The following SYCP1 variants were observed in gnomAD, a reference collection of about 807,000 sequenced individuals.
SYCP1 encodes synaptonemal complex protein 1.
A neutral mutation model predicts 153.1 loss-of-function variants in SYCP1; 64 were observed. The ratio of observed to expected loss-of-function variants is 0.42; its 90% CI spans 0.34 to 0.51. SYCP1 has a LOEUF of 0.51. Among genes scored for constraint, SYCP1 ranks in the 20% least tolerant of loss-of-function variants. The probability of loss-of-function intolerance (pLI) is 0.06; values close to 1 mark genes in which losing one functional copy is unlikely to be tolerated. For synonymous variants in SYCP1, 384 were observed against 341.8 expected (o/e 1.12, Z -1.36); for missense variants, 997 against 1,049.0 (o/e 0.95, Z 0.68).
chr1:114,926,669 C>T (rs943732191), intron 23 of SYCP1, 106 bp downstream of exon 23: 3 of 942,756 alleles, frequency 3.2e-6, no homozygotes, highest in African/African-American at 3.4e-5. Flanking sequence ...TATACCATAA[C>T]AGTATCAATT....
chr1:114,880,272 A>C (rs549402186), intron 12 of SYCP1, among the ~76,000 whole-genome samples: 9 of 152,314 alleles, frequency 5.9e-5, no homozygotes, highest in Non-Finnish European at 5.9e-5. Context: ...GAAACTCTGT[A>C]CCCATTAAAA....
chr1:114,907,802 C>T lies in SYCP1; in HGVS notation c.1321-2595C>T, dbSNP rs559976815. Among the ~76,000 whole-genome samples, 49 of 152,056 alleles carry T rather than the reference C, an allele frequency of 3.2e-4. 1 individual carries two copies. The South Asian group carries it at 1.0e-2, about 31-fold the overall frequency. On this transcript the variant is annotated intron_variant, in intron 16 of 31. Transcript: ENST00000369522. Reference sequence around the variant, plus strand: ...TTCACCGTGTTAGCCAGGATGGTCTCGATCTCCTGACCTCGTGATCCACCC... The same window carrying T: ...TTCACCGTGTTAGCCAGGATGGTCTTGATCTCCTGACCTCGTGATCCACCC...
chr1:114,981,287 T>C, intron 28 of SYCP1, 49 bp from the exon 29 acceptor site: 1 of 1,367,452 alleles, frequency 7.3e-7, no homozygotes, highest in Non-Finnish European at 9.9e-7. Flanking sequence ...AATAAATAAT[T>C]AATGTGACAT....
At chr1:114,973,067 C>T (rs977185762) in intron 27 of SYCP1, among the ~76,000 whole-genome samples, 2 of 151,988 alleles carry the variant, frequency 1.3e-5, no homozygotes, top group Non-Finnish European at 2.9e-5. Context: ...TGCCATTTTA[C>T]GTCTCTTCAA....
At chr1:114,939,689 C>A (rs955897582) in intron 23 of SYCP1, among the ~76,000 whole-genome samples, 1 of 152,122 alleles carries the variant, frequency 6.6e-6, no homozygotes, top group African/African-American at 2.4e-5. Flanking sequence ...GAAATTATGT[C>A]TTGGTTGGTA....
Position 114,926,020 on chromosome 1 carries a change from T to A in SYCP1, c.1801-258T>A, listed in dbSNP as rs1341720088. On this transcript the variant is annotated intron_variant, in intron 21 of 31. Coordinates refer to ENST00000369522, the MANE Select transcript of SYCP1 (RefSeq NM_003176.4). ...TGAGTATAGTGGCTCACACCTGTAA[T>A]CCCAGCACTTTGGGAGGCTGGGGTG... 2.0e-5 allele frequency among the ~76,000 whole-genome samples: 3 copies of A among 152,084 alleles called. No homozygotes were observed. In the East Asian group the frequency reaches 5.8e-4, roughly 29 times the overall value.
intron 20 of SYCP1, among the ~76,000 whole-genome samples, chr1:114,916,080 C>A (rs1668490637): frequency 6.6e-6 from 1 of 152,062 alleles, no homozygotes; most frequent in South Asian, 2.1e-4. Context: ...TGTACCCACT[C>A]TATATTTTAA....
chr1:114,881,524 C>T (rs530363061), intron 12 of SYCP1, among the ~76,000 whole-genome samples: 4 of 151,080 alleles, frequency 2.6e-5, no homozygotes, highest in African/African-American at 9.7e-5. Flanking sequence ...TCCTTCCTTC[C>T]TTCCTTCCTT....
intron 16 of SYCP1, among the ~76,000 whole-genome samples, chr1:114,907,990 T>C (rs1667927127): frequency 6.6e-6 from 1 of 152,148 alleles, no homozygotes; most frequent in Admixed American, 6.5e-5. Context: ...TGATCTTTTA[T>C]ATTTATTGCA....
intron 8 of SYCP1, among the ~76,000 whole-genome samples, chr1:114,861,171 G>A (rs1170145142): frequency 2.0e-5 from 3 of 152,046 alleles, no homozygotes; most frequent in African/African-American, 7.2e-5. Context: ...CTTTGCTAAA[G>A]CCATTGTATT....
intron 12 of SYCP1, among the ~76,000 whole-genome samples, chr1:114,882,012 C>T (rs1208940176): frequency 2.0e-5 from 3 of 152,056 alleles, no homozygotes; most frequent in Non-Finnish European, 4.4e-5. Flanking sequence ...ATTGTATTTG[C>T]TCTACTTTCT....
intron 20 of SYCP1, among the ~76,000 whole-genome samples, chr1:114,916,647 AG>A (rs2101696492): frequency 7.0e-6 from 1 of 143,840 alleles, no homozygotes; most frequent in Non-Finnish European, 1.5e-5. Flanking sequence ...TAATCTTTTG[AG>A]GTTTTTTTTT....
At position 114,878,143 on chromosome 1, in the gene SYCP1, A is replaced by T. The variant is rs777064803; in HGVS notation, c.851A>T (p.Asp284Val). 75 of 1,588,816 alleles carry T rather than the reference A, an allele frequency of 4.7e-5. No homozygotes were observed. Among genetic ancestry groups the T allele is most frequent in the Non-Finnish European group, 6.2e-5 (72 of 1,161,198 alleles). The change falls in exon 12 of 32, where the codon GAT (aspartate) becomes GTT (valine). Residue 284 changes from aspartate to valine, a missense_variant. Asp to Val is a radical substitution (Grantham distance 152). This residue lies in a region of SYCP1 where 285 missense variants were observed against 366.1 expected (regional missense o/e 0.78). Transcript: ENST00000369522. ...ACTGAGAAAGAAAATAAAATGAAAGATTTAACATTTCTGCTAGAGGAATCC... is the reference window on the plus strand; with the variant it reads ...ACTGAGAAAGAAAATAAAATGAAAGTTTTAACATTTCTGCTAGAGGAATCC... ...QITEKENKMK[D>V]LTFLLEESRD...
At chr1:114,972,853 G>C (rs1264249803) in intron 27 of SYCP1, among the ~76,000 whole-genome samples, 1 of 152,128 alleles carries the variant, frequency 6.6e-6, no homozygotes, top group East Asian at 1.9e-4. Flanking sequence ...GTGCTTAGGA[G>C]AAGAATGTTT....
chr1:114,962,047 G>A (rs985734866), intron 27 of SYCP1, among the ~76,000 whole-genome samples: 12 of 146,110 alleles, frequency 8.2e-5, no homozygotes, highest in Non-Finnish European at 7.4e-5. Flanking sequence ...ACACAATTTC[G>A]GCTCACTAAA....
chr1:114,864,677 A>G (rs1261019468), intron 8 of SYCP1, among the ~76,000 whole-genome samples: 3 of 151,776 alleles, frequency 2.0e-5, no homozygotes, highest in Admixed American at 1.3e-4. Context: ...TTTTAGAGAC[A>G]GGGTTTCGCC....
intron 8 of SYCP1, among the ~76,000 whole-genome samples, chr1:114,868,729 T>C (rs1664922959): frequency 6.6e-6 from 1 of 152,250 alleles, no homozygotes; most frequent in Non-Finnish European, 1.5e-5. Flanking sequence ...ATTTCTTTAA[T>C]AGATATAGGC....
Position 114,984,795 on chromosome 1 carries a change from A to G in SYCP1, c.2630A>G (p.Glu877Gly). 6.6e-7 allele frequency: 1 copy of G among 1,512,996 alleles called. No homozygotes were observed. The highest frequency in any genetic ancestry group is 1.4e-5 in the South Asian group (1 of 72,582). The allele number at this position is 1,512,996 out of a possible 1,614,324, so 93.7% of individuals were successfully genotyped here. The change falls in exon 30 of 32, where the codon GAA becomes GGA. Residue 877 changes from glutamate (E) to glycine (G), a missense_variant. Glu to Gly is a moderately conservative substitution (Grantham distance 98). Around this residue, in one of 2 missense-constraint regions of SYCP1, gnomAD observed 712 missense variants for 682.9 expected, o/e 1.04. Coordinates refer to ENST00000369522, the MANE Select transcript of SYCP1 (RefSeq NM_003176.4). ...GAAAACTTGAATATACCCATTGAAG[A>G]AAGTAAAAAAAAGAGAAAAATGGCC... ...QRENLNIPIE[E>G]SKKKRKMAFE...
Position 114,981,429 on chromosome 1 carries a change from T to A in SYCP1, c.2476T>A (p.Ser826Thr), listed in dbSNP as rs1453898151. The A allele has an allele frequency of 2.5e-6, 4 of 1,610,428 alleles. No homozygotes were observed. The highest frequency in any genetic ancestry group is 2.7e-5 in the African/African-American group (2 of 74,712). The change falls in exon 29 of 32, where the codon TCA becomes ACA. Residue 826 changes from serine to threonine, a missense_variant. Physicochemically the swap from Ser to Thr is moderately conservative, Grantham distance 58 (BLOSUM62 1). Coordinates refer to ENST00000369522, the MANE Select transcript of SYCP1 (RefSeq NM_003176.4). ...PSQTVSRNFT[S>T]VDHGISKDKR... The stretch of plus-strand genomic sequence containing the variant: ...ACAAACTGTATCTCGAAATTTCACA[T>A]CAGTTGATCATGGCATATCCAAAGA...
Sources: gnomAD v4.1 joint callset for allele counts (sites outside exome capture counted in the v4.1 genomes callset) on GRCh38, gnomAD v4.1.1 for gene constraint, gnomAD v4.1.1 regional missense constraint, MANE v1.5 for transcripts, NCBI Gene and HGNC (gene_info 2026-07-23, HGNC 2026-07-21) for gene names.